The following FAAP100 variants were observed in gnomAD, a reference collection of about 807,000 sequenced individuals.
The protein encoded by FAAP100 is Fanconi anemia core complex-associated protein 100.
FAAP100 carries 46 observed loss-of-function variants against 65.8 expected under a neutral mutation model. That is an observed-to-expected ratio of 0.70 (90% CI 0.55 to 0.89). FAAP100 has a LOEUF of 0.89. Among genes scored for constraint, FAAP100 ranks in the 40% least tolerant of loss-of-function variants. The probability of loss-of-function intolerance (pLI) is 0.00; values close to 1 mark genes in which losing one functional copy is unlikely to be tolerated. For missense variants in FAAP100, 1,165 were observed against 1,196.7 expected, an observed-to-expected ratio of 0.97 and a Z score of 0.39; for synonymous variants, 663 against 555.1, an observed-to-expected ratio of 1.19 and a Z score of -2.73.
chr17:81,550,889 G>A lies in FAAP100; in HGVS notation c.605C>T (p.Pro202Leu), dbSNP rs1282634540. 1.2e-6 allele frequency: 2 copies of A among 1,612,458 alleles called. No individual in the cohort carries two copies. Among genetic ancestry groups the A allele is most frequent in the African/African-American group, 1.3e-5 (1 of 74,960 alleles). Residue 202 changes from proline (P) to leucine (L), a missense_variant, in exon 3 of 9, where the codon CCA becomes CTA. Pro to Leu is a moderately conservative substitution (Grantham distance 98). Transcript: ENST00000327787. ...GTCGTGCGGGACCCTGGAGCCTGAT[G>A]GTGACACAGAGCACAGCACTGGAAG... Reference protein sequence around the residue: ...HFLPVLCSVSPSGSRVPHDLL... With the variant: ...HFLPVLCSVSLSGSRVPHDLL...
At chr17:81,551,286 T>G in intron 2 of FAAP100, 83 bp from the exon 3 acceptor site, 4 of 1,374,618 alleles carry the variant, frequency 2.9e-6, no homozygotes, top group Non-Finnish European at 2.9e-6. Context: ...CATGGAGTAG[T>G]CTGGCTCAGG....
At chr17:81,540,975 A>G in intron 8 of FAAP100, 25 bp from the exon 9 acceptor site, 2 of 1,553,520 alleles carry the variant, frequency 1.3e-6, no homozygotes, top group South Asian at 2.4e-5. Flanking sequence ...GACACAGCTC[A>G]GGCCCCCCAC....
chr17:81,552,251 C>A lies in FAAP100; in HGVS notation c.80G>T (p.Arg27Leu), dbSNP rs1198237267. Reference protein sequence around the residue: ...PLGGLAAGKPRVLCHEAEVFL... With the variant: ...PLGGLAAGKPLVLCHEAEVFL... ...GACCTCTGCCTCATGGCACAGCACG[C>A]GGGGCTTGCCCGCCGCCAGGCCCCC... The change falls in exon 1 of 9, where the codon CGC becomes CTC. Residue 27 changes from arginine (R) to leucine (L), a missense_variant. Physicochemically the swap from Arg to Leu is moderately radical, Grantham distance 102 (BLOSUM62 -2). Coordinates refer to ENST00000327787, the MANE Select transcript of FAAP100 (RefSeq NM_025161.6). The A allele has an allele frequency of 3.0e-5, 45 of 1,482,172 alleles. No homozygotes were observed. Among genetic ancestry groups the A allele is most frequent in the East Asian group, 5.9e-5 (2 of 33,824 alleles). 91.8% of individuals were successfully genotyped at this position (1,482,172 alleles called of 1,614,324 possible).
intron 7 of FAAP100, among the ~76,000 whole-genome samples, chr17:81,543,045 C>A (rs1003477800): frequency 6.6e-6 from 1 of 152,218 alleles, no homozygotes; most frequent in Non-Finnish European, 1.5e-5. Flanking sequence ...AGGGTCATGG[C>A]AGTGTCACAG....
Position 81,549,313 on chromosome 17 carries a change from GCAGGTCAT to G in FAAP100, c.1288_1295del (p.Met430GlnfsTer7). The G allele has an allele frequency of 1.2e-6, 2 of 1,612,710 alleles. No individual in the cohort carries two copies. The highest frequency in any genetic ancestry group is 1.7e-6 in the Non-Finnish European group (2 of 1,179,772). ...GCATCTCAGAGTCCAGGTCCAGGCT[GCAGGTCAT>G]CAGGCGGCCTTTGGCGGACAGGGCC... On this transcript the variant is annotated frameshift_variant, in exon 4 of 9. Coordinates refer to ENST00000327787, the MANE Select transcript of FAAP100 (RefSeq NM_025161.6). LOFTEE classifies it high-confidence loss of function.
In FAAP100 at chr17:81,540,916, C is replaced by CT; in HGVS notation, c.2548_2549insA (p.Arg850GlnfsTer7). The stretch of plus-strand genomic sequence containing the variant: ...GCTGGCCTCATCCTCCGTGCAGAGC[C>CT]GGTCGCGCAGGGTCTGCACCTCCCG... On this transcript the variant is annotated frameshift_variant, in exon 9 of 9. Coordinates refer to ENST00000327787, the MANE Select transcript of FAAP100 (RefSeq NM_025161.6). LOFTEE classifies it high-confidence loss of function. 6.3e-7 allele frequency: 1 copy of CT among 1,592,036 alleles called. No homozygotes were observed.
At position 81,540,081 on chromosome 17, in the gene FAAP100, C is replaced by G. The variant is rs199737728; in HGVS notation, c.*738G>C. 6 of 397,818 alleles carry G rather than the reference C, an allele frequency of 1.5e-5. No individual in the cohort carries two copies. The highest frequency in any genetic ancestry group is 6.2e-5 in the African/African-American group (3 of 48,466). The allele number at this position is 397,818 out of a possible 1,614,324, so 24.6% of individuals were successfully genotyped here. On this transcript the variant is annotated 3_prime_UTR_variant, in exon 9 of 9. Coordinates refer to ENST00000327787, the MANE Select transcript of FAAP100 (RefSeq NM_025161.6). ...GGGGCTGGGGCTCAGGGCCCCCCCCCGGGCCACAGCGCCACCCTGAGTGGC... is the reference window on the plus strand; with the variant it reads ...GGGGCTGGGGCTCAGGGCCCCCCCCGGGGCCACAGCGCCACCCTGAGTGGC...
rs199737728 is a variant in FAAP100 at position 81,540,081 on chromosome 17, C to T, written c.*738G>A. On this transcript the variant is annotated 3_prime_UTR_variant, in exon 9 of 9. Coordinates refer to ENST00000327787, the MANE Select transcript of FAAP100 (RefSeq NM_025161.6). ...GGGGCTGGGGCTCAGGGCCCCCCCC[C>T]GGGCCACAGCGCCACCCTGAGTGGC... is the stretch of plus-strand genomic sequence containing the variant. The T allele has an allele frequency of 2.5e-6, 1 of 397,866 alleles. No individual in the cohort carries two copies. The highest frequency in any genetic ancestry group is 4.4e-5 in the Admixed American group (1 of 22,678). The allele number at this position is 397,866 out of a possible 1,614,324, so 24.6% of individuals were successfully genotyped here. A position where few individuals can be genotyped will look rare whatever the true frequency, so the allele number is the denominator to read the frequency against.
chr17:81,549,598 A>C (rs920901734), intron 3 of FAAP100, among the ~76,000 whole-genome samples: 3 of 152,238 alleles, frequency 2.0e-5, no homozygotes, highest in African/African-American at 7.2e-5. Context: ...CAGTGGAGAC[A>C]GTCTGGCGTT....
chr17:81,545,978 G>A (rs2033285500), intron 5 of FAAP100, 96 bp from the exon 6 acceptor site: 3 of 1,438,364 alleles, frequency 2.1e-6, no homozygotes, highest in Admixed American at 4.5e-5. Flanking sequence ...GCCCCAAAGT[G>A]CCCTTCCCAG....
intron 6 of FAAP100, 144 bp downstream of exon 6, chr17:81,545,602 C>T (rs941409304): frequency 1.4e-5 from 17 of 1,178,290 alleles, no homozygotes; most frequent in Admixed American, 2.8e-5. Flanking sequence ...CGAGGGGAAA[C>T]TGTCATATCA....
Position 81,552,168 on chromosome 17 carries a change from T to C in FAAP100, c.163A>G (p.Thr55Ala). The C allele has an allele frequency of 1.3e-6, 2 of 1,493,088 alleles. No individual in the cohort carries two copies. The highest frequency in any genetic ancestry group is 1.8e-6 in the Non-Finnish European group (2 of 1,128,834). The allele number at this position is 1,493,088 out of a possible 1,614,324, so 92.5% of individuals were successfully genotyped here. ...CGCCCCCGCGGGCCGGCGCTCACGGTCAGCAGCCCGCCCTCCTGGTCGTAC... is the reference window on the plus strand; with the variant it reads ...CGCCCCCGCGGGCCGGCGCTCACGGCCAGCAGCCCGCCCTCCTGGTCGTAC... ...YVYDQEGGLLTAAFRFPDQVW... is the reference protein window; with the variant it reads ...YVYDQEGGLLAAAFRFPDQVW... The change falls in exon 1 of 9, where the codon ACC becomes GCC. Residue 55 changes from threonine (T) to alanine (A), a missense_variant and splice_region_variant. Coordinates refer to ENST00000327787, the MANE Select transcript of FAAP100 (RefSeq NM_025161.6).
intron 7 of FAAP100, among the ~76,000 whole-genome samples, chr17:81,543,020 C>T (rs373043432): frequency 3.5e-4 from 53 of 152,346 alleles, no homozygotes; most frequent in African/African-American, 1.2e-3. Flanking sequence ...CATGGTGCTG[C>T]GTGACATGCT....
chr17:81,540,279 ACCTCGGGGTCCCAGAGTGGGCAG>A lies in FAAP100; in HGVS notation c.*517_*539del. 1 of 398,892 alleles carries A rather than the reference ACCTCGGGGTCCCAGAGTGGGCAG, an allele frequency of 2.5e-6. No individual in the cohort carries two copies. Among genetic ancestry groups the A allele is most frequent in the Non-Finnish European group, 4.4e-6 (1 of 226,152 alleles). The allele number at this position is 398,892 out of a possible 1,614,324, so 24.7% of individuals were successfully genotyped here. A position where few individuals can be genotyped will look rare whatever the true frequency, so the allele number is the denominator to read the frequency against. On this transcript the variant is annotated 3_prime_UTR_variant, in exon 9 of 9. Coordinates refer to ENST00000327787, the MANE Select transcript of FAAP100 (RefSeq NM_025161.6). The stretch of plus-strand genomic sequence containing the variant: ...CTTTGGTCTCAGGGAGCACCCTCCT[ACCTCGGGGTCCCAGAGTGGGCAG>A]CCGGGCAGGTGTGAACAGTGTGACA...
At chr17:81,551,315 C>T (rs1304101287) in intron 2 of FAAP100, 112 bp from the exon 3 acceptor site, 5 of 1,066,160 alleles carry the variant, frequency 4.7e-6, no homozygotes, top group Non-Finnish European at 5.3e-6. Context: ...CAGTGACCCC[C>T]AAGGCCGCTC....
chr17:81,551,889 C>T (rs2143968222), intron 2 of FAAP100, 39 bp downstream of exon 2: 1 of 1,518,346 alleles, frequency 6.6e-7, no homozygotes, highest in Non-Finnish European at 8.8e-7. Context: ...CCGGGGGCAG[C>T]AGGAGTGTGC....
intron 3 of FAAP100, 22 bp downstream of exon 3, chr17:81,550,226 C>T (rs2033439208): frequency 6.4e-7 from 1 of 1,556,714 alleles, no homozygotes. Context: ...TCCCATCTTT[C>T]ATTTTAGACA....
At chr17:81,548,015 G>A in intron 4 of FAAP100, 1 of 697,422 alleles carries the variant, frequency 1.4e-6, no homozygotes, top group Non-Finnish European at 2.6e-6. Flanking sequence ...CCACGCAGGG[G>A]CCGGGTGGTG....
rs543613540 is a variant in FAAP100 at position 81,546,919 on chromosome 17, G to A, written c.2163C>T (p.Asp721=). 28 of 1,388,938 alleles carry A rather than the reference G, an allele frequency of 2.0e-5. No individual in the cohort carries two copies. The highest frequency in any genetic ancestry group is 1.9e-4 in the Middle Eastern group (1 of 5,296). The allele number at this position is 1,388,938 out of a possible 1,614,324, so 86.0% of individuals were successfully genotyped here. A position where few individuals can be genotyped will look rare whatever the true frequency, so the allele number is the denominator to read the frequency against. ...SAELLRAALK[D]GHSGVPLCCA... The stretch of plus-strand genomic sequence containing the variant: ...AGCAGTGCCACCAACCTGAGTGGCC[G>A]TCCTTCAAGGCAGCTCTGAGCAGCT... The change falls in exon 5 of 9, where the codon GAC becomes GAT. Residue 721 remains aspartate (D), a synonymous_variant. Transcript: ENST00000327787.
Sources: gnomAD v4.1 joint callset for allele counts (sites outside exome capture counted in the v4.1 genomes callset) on GRCh38, gnomAD v4.1.1 for gene constraint, MANE v1.5 for transcripts, NCBI Gene and HGNC (gene_info 2026-07-23, HGNC 2026-07-21) for gene names.